TTC7B: variants seen among roughly 807,000 people sequenced by gnomAD.
TTC7B encodes the protein tetratricopeptide repeat domain 7B.
A neutral mutation model predicts 106.8 loss-of-function variants in TTC7B; 28 were observed. The observed-to-expected ratio is 0.26, with a 90% CI of 0.19 to 0.36. TTC7B has a LOEUF of 0.36. Among genes scored for constraint, TTC7B ranks in the 10% least tolerant of loss-of-function variants. TTC7B has a pLI of 1.00. For synonymous variants in TTC7B, 405 were observed against 430.6 expected, an observed-to-expected ratio of 0.94 and a Z score of 0.74; for missense variants, 862 against 1,076.4, an observed-to-expected ratio of 0.80 and a Z score of 2.79.
In TTC7B at chr14:90,816,213, TC is replaced by T; in HGVS notation, c.82del (p.Glu28SerfsTer30). The T allele has an allele frequency of 1.6e-6, 2 of 1,273,250 alleles. No homozygotes were observed. Among genetic ancestry groups the T allele is most frequent in the South Asian group, 1.3e-5 (1 of 79,452 alleles). The allele number at this position is 1,273,250 out of a possible 1,614,324, so 78.9% of individuals were successfully genotyped here. A position where few individuals can be genotyped will look rare whatever the true frequency, so the allele number is the denominator to read the frequency against. ...CTTGGCCGACAGCTGCTTGACGAGC[TC>T]AGGGATCCGCTCCCACTGGCACTCG... ...RSECQWERIP[E>X]LVKQLSAKLI... On this transcript the variant is annotated frameshift_variant, in exon 1 of 20. Coordinates refer to ENST00000328459, the MANE Select transcript of TTC7B (RefSeq NM_001010854.2). LOFTEE classifies it high-confidence loss of function.
intron 5 of TTC7B, among the ~76,000 whole-genome samples, chr14:90,708,922 A>T (rs1014644731): frequency 6.6e-6 from 1 of 151,516 alleles, no homozygotes; most frequent in African/African-American, 2.4e-5. Flanking sequence ...GCAGCCAAAA[A>T]ACACATGAAA....
chr14:90,593,191 C>T (rs1459780530), intron 18 of TTC7B, among the ~76,000 whole-genome samples: 2 of 152,218 alleles, frequency 1.3e-5, no homozygotes, highest in Non-Finnish European at 2.9e-5. Flanking sequence ...GACCCTGCAC[C>T]CCACATGGCA....
intron 19 of TTC7B, among the ~76,000 whole-genome samples, chr14:90,560,768 G>A (rs1345298982): frequency 2.0e-5 from 3 of 152,242 alleles, no homozygotes; most frequent in African/African-American, 7.2e-5. Flanking sequence ...GCTGGTGGGT[G>A]TGTGGGCGTC....
At chr14:90,669,527 C>T (rs948026509) in intron 9 of TTC7B, among the ~76,000 whole-genome samples, 4 of 146,054 alleles carry the variant, frequency 2.7e-5, no homozygotes, top group South Asian at 4.4e-4. Context: ...TCTACAGTCT[C>T]GTCTCTACAA....
At position 90,536,366 on chromosome 14, in the gene TTC7B, C is replaced by T. The variant is rs79417471; in HGVS notation, c.*5002G>A. 0.064 allele frequency: 9,805 copies of T among 153,380 alleles called. 555 individuals carry two copies. Among genetic ancestry groups the T allele is most frequent in the East Asian group, 0.16 (825 of 5,166 alleles). 9.5% of individuals were successfully genotyped at this position (153,380 alleles called of 1,614,324 possible). ...GGCCCATGGCTCCCAGCCCCGCATC[C>T]CTGACACCTCCCACACTCTCGCCTC... On this transcript the variant is annotated 3_prime_UTR_variant, in exon 20 of 20. Coordinates refer to ENST00000328459, the MANE Select transcript of TTC7B (RefSeq NM_001010854.2).
At position 90,537,681 on chromosome 14, in the gene TTC7B, C is replaced by T. The variant is rs529669354; in HGVS notation, c.*3687G>A. ...CTGAGATGTCCTCCTCCCAGGTTAC[C>T]TGTCTTTCTTCAGCCAGATGTCACC... On this transcript the variant is annotated 3_prime_UTR_variant, in exon 20 of 20. Coordinates refer to ENST00000328459, the MANE Select transcript of TTC7B (RefSeq NM_001010854.2). The T allele has an allele frequency of 1.2e-4, 18 of 152,490 alleles. No individual in the cohort carries two copies. Among genetic ancestry groups the T allele is most frequent in the African/African-American group, 4.3e-4 (18 of 41,558 alleles). 9.4% of individuals were successfully genotyped at this position (152,490 alleles called of 1,614,324 possible).
At chr14:90,563,063 AGAGGG>A (rs919134905) in intron 19 of TTC7B, among the ~76,000 whole-genome samples, 12 of 152,168 alleles carry the variant, frequency 7.9e-5, no homozygotes, top group Non-Finnish European at 1.2e-4. Context: ...TTTCAGTACC[AGAGGG>A]GAGGGACTAG....
intron 15 of TTC7B, 22 bp downstream of exon 15, chr14:90,644,026 A>G: frequency 2.5e-6 from 4 of 1,614,008 alleles, no homozygotes; most frequent in Non-Finnish European, 3.4e-6. Flanking sequence ...GTAAGGGAAA[A>G]CCAAAGCCCA....
chr14:90,601,434 CTT>C (rs1028900693), intron 17 of TTC7B, among the ~76,000 whole-genome samples: 5 of 152,182 alleles, frequency 3.3e-5, no homozygotes, highest in Non-Finnish European at 5.9e-5. Context: ...CTTTCTCACT[CTT>C]ATTTTATTTT....
At chr14:90,763,096 C>T (rs1890553764) in intron 3 of TTC7B, among the ~76,000 whole-genome samples, 1 of 152,156 alleles carries the variant, frequency 6.6e-6, no homozygotes, top group Non-Finnish European at 1.5e-5. Context: ...CACAAGAATA[C>T]CACCAATATC....
chr14:90,607,929 A>AT (rs1397046211), intron 17 of TTC7B, among the ~76,000 whole-genome samples: 4 of 152,226 alleles, frequency 2.6e-5, no homozygotes, highest in African/African-American at 9.6e-5. Context: ...AAATACAGTT[A>AT]TTTTTAGGAA....
At chr14:90,754,816 A>C (rs564154981) in intron 3 of TTC7B, among the ~76,000 whole-genome samples, 2 of 152,314 alleles carry the variant, frequency 1.3e-5, no homozygotes, top group Admixed American at 6.5e-5. Context: ...GTTCACAGAA[A>C]TGAAATTGTA....
At chr14:90,695,194 T>TA (rs1344580640) in intron 6 of TTC7B, among the ~76,000 whole-genome samples, 47 of 7,358 alleles carry the variant, frequency 6.4e-3, no homozygotes, top group Non-Finnish European at 0.011. Context: ...TATATACATT[T>TA]TAGTATAAAA....
chr14:90,726,808 G>A (rs1889120325), intron 5 of TTC7B, among the ~76,000 whole-genome samples: 2 of 152,182 alleles, frequency 1.3e-5, no homozygotes, highest in South Asian at 4.1e-4. Flanking sequence ...ACCCTCTGCG[G>A]AGCCTCAACA....
intron 9 of TTC7B, 45 bp from the exon 10 acceptor site, chr14:90,658,432 G>A (rs1886043037): frequency 2.6e-6 from 4 of 1,547,510 alleles, no homozygotes; most frequent in Non-Finnish European, 3.6e-6. Context: ...AGAATCACTG[G>A]TGCCACAACT....
At chr14:90,739,764 TC>T (rs1889685759) in intron 4 of TTC7B, among the ~76,000 whole-genome samples, 2 of 152,208 alleles carry the variant, frequency 1.3e-5, no homozygotes, top group African/African-American at 4.8e-5. Flanking sequence ...CTACTCCTGC[TC>T]AAGAGAGCCA....
intron 1 of TTC7B, among the ~76,000 whole-genome samples, chr14:90,798,706 T>G (rs1365625284): frequency 8.3e-5 from 2 of 24,182 alleles, no homozygotes. Flanking sequence ...TGAGACTCCA[T>G]CTCAAAAAAA....
intron 4 of TTC7B, among the ~76,000 whole-genome samples, chr14:90,733,713 G>A (rs1889411778): frequency 6.6e-6 from 1 of 152,226 alleles, no homozygotes; most frequent in African/African-American, 2.4e-5. Flanking sequence ...GCACGGGGAA[G>A]GGGCTGAAGA....
In TTC7B at chr14:90,773,548, C is replaced by G. The variant is rs746281294; in HGVS notation, c.445+7190G>C. 3.9e-5 allele frequency among the ~76,000 whole-genome samples: 6 copies of G among 152,170 alleles called. No individual in the cohort carries two copies. In the South Asian group the frequency reaches 1.2e-3, roughly 32 times the overall value. On this transcript the variant is annotated intron_variant, in intron 3 of 19. Coordinates refer to ENST00000328459, the MANE Select transcript of TTC7B (RefSeq NM_001010854.2). ...ATTGTTCTCAGGATAAGCACAATCA[C>G]GCAGGTAAATCACCACGCACCATGC... is the stretch of plus-strand genomic sequence containing the variant.
Sources: allele counts gnomAD v4.1 joint callset (sites outside exome capture counted in the v4.1 genomes callset), GRCh38; gene constraint gnomAD v4.1.1; transcripts MANE v1.5; gene names NCBI Gene and HGNC (gene_info 2026-07-23, HGNC 2026-07-21).